Variants in FER1L6 observed in about 807,000 individuals in gnomAD.
FER1L6 encodes the protein fer-1 like family member 6, also known as fer-1-like protein 6.
In FER1L6, 177 loss-of-function variants were observed where a neutral mutation model predicts 219.2. That is an observed-to-expected ratio of 0.81 (90% CI 0.71 to 0.91). The LOEUF (loss-of-function observed/expected upper bound fraction) is 0.91, where lower values mean the gene tolerates loss of function less well. FER1L6 is among the 40% of genes least tolerant of loss of function. The pLI, the probability that FER1L6 is intolerant of heterozygous loss-of-function variation, is 0.00. For missense variants in FER1L6, 2,153 were observed against 2,259.9 expected (o/e 0.95, Z 0.96); for synonymous variants, 768 against 824.3 (o/e 0.93, Z 1.17).
chr8:124,075,039 A>C (rs927178989), intron 31 of FER1L6, among the ~76,000 whole-genome samples: 2 of 152,198 alleles, frequency 1.3e-5, no homozygotes, highest in African/African-American at 4.8e-5. Flanking sequence ...GTGAATGTGA[A>C]GGCCTAGGAT....
At chr8:124,032,368 T>A (rs998741188) in intron 18 of FER1L6, among the ~76,000 whole-genome samples, 5 of 152,056 alleles carry the variant, frequency 3.3e-5, no homozygotes, top group Non-Finnish European at 7.4e-5. Context: ...GAGGCTGCAG[T>A]GAGCTGAGAT....
chr8:124,008,916 A>G (rs1817788517), intron 13 of FER1L6, among the ~76,000 whole-genome samples: 1 of 151,440 alleles, frequency 6.6e-6, no homozygotes, highest in African/African-American at 2.5e-5. Context: ...CAAAACCACA[A>G]TGCTCAAAAT....
intron 38 of FER1L6, 28 bp downstream of exon 38, chr8:124,101,366 A>G: frequency 6.2e-7 from 1 of 1,600,070 alleles, no homozygotes; most frequent in Non-Finnish European, 8.5e-7. Context: ...TCAAGCACAT[A>G]TTAATGTTAA....
chr8:124,022,630 A>G (rs188616776), intron 17 of FER1L6, among the ~76,000 whole-genome samples: 41 of 152,376 alleles, frequency 2.7e-4, no homozygotes, highest in Admixed American at 1.7e-3. Flanking sequence ...AGTTCCTTGT[A>G]GAAATACTTG....
At chr8:123,970,161 C>A in intron 6 of FER1L6, 64 bp downstream of exon 6, 1 of 1,416,586 alleles carries the variant, frequency 7.1e-7, no homozygotes, top group Non-Finnish European at 1.0e-6. Flanking sequence ...ATTGGGGACT[C>A]TCTGGGACAA....
At chr8:124,115,908 A>G (rs1450940938) in intron 39 of FER1L6, among the ~76,000 whole-genome samples, 2 of 152,194 alleles carry the variant, frequency 1.3e-5, no homozygotes, top group East Asian at 3.8e-4. Context: ...GTGCTATGCT[A>G]TGCCATGCCA....
intron 18 of FER1L6, among the ~76,000 whole-genome samples, chr8:124,026,716 T>A (rs200594413): frequency 0.59 from 89,090 of 151,754 alleles, 26,686 homozygotes; most frequent in African/African-American, 0.67. Context: ...TGTGATTTTT[T>A]TTTTTAAATG....
chr8:124,066,534 T>C lies in FER1L6; in HGVS notation c.3662T>C (p.Leu1221Pro). 6.2e-7 allele frequency: 1 copy of C among 1,613,918 alleles called. No homozygotes were observed. The highest frequency in any genetic ancestry group is 8.5e-7 in the Non-Finnish European group (1 of 1,179,882). Residue 1221 changes from leucine to proline, a missense_variant, in exon 27 of 41, where the codon CTG (leucine) becomes CCG (proline). By Grantham distance (98) the Leu-to-Pro change is moderately conservative. Transcript: ENST00000522917. The part of the protein sequence containing the change: ...IDWWSKYYAS[L>P]KKAQKAKERN... ...TGGTGGTCTAAGTATTATGCCTCCC[T>C]GAAGAAAGCCCAGAAGGTAGAGTCT... is the stretch of plus-strand genomic sequence containing the variant.
rs747685176 is a variant in FER1L6, at chr8:124,010,620, C to A, written c.1727C>A (p.Ala576Asp). 6.2e-7 allele frequency: 1 copy of A among 1,613,900 alleles called. No individual in the cohort carries two copies. The highest frequency in any genetic ancestry group is 1.3e-5 in the African/African-American group (1 of 74,912). ...AATTACAACTATTTGCCATTTGAGGCTAAGAAGCCCTGTGTCTATTTCATC... is the reference window on the plus strand; with the variant it reads ...AATTACAACTATTTGCCATTTGAGGATAAGAAGCCCTGTGTCTATTTCATC... ...NRNYNYLPFE[A>D]KKPCVYFISS... The change falls in exon 14 of 41, where the codon GCT (alanine) becomes GAT (aspartate). Residue 576 changes from alanine (A) to aspartate (D), a missense_variant. Ala to Asp is a moderately radical substitution (Grantham distance 126, BLOSUM62 -2). Coordinates refer to ENST00000522917, the MANE Select transcript of FER1L6 (RefSeq NM_001039112.2).
At chr8:123,959,327 G>T (rs758364019) in intron 2 of FER1L6, among the ~76,000 whole-genome samples, 25 of 152,108 alleles carry the variant, frequency 1.6e-4, no homozygotes, top group Non-Finnish European at 4.4e-5. Context: ...CATATATAAC[G>T]TGTCTTTGAA....
intron 1 of FER1L6, among the ~76,000 whole-genome samples, chr8:123,891,159 T>C (rs1812642752): frequency 6.6e-6 from 1 of 152,168 alleles, no homozygotes; most frequent in African/African-American, 2.4e-5. Context: ...ACTGATGGGC[T>C]TTTATGTGTG....
At chr8:123,913,226 AAGTATT>A (rs1163903636) in intron 1 of FER1L6, among the ~76,000 whole-genome samples, 2 of 150,086 alleles carry the variant, frequency 1.3e-5, no homozygotes, top group African/African-American at 4.9e-5. Context: ...TAACTACAGA[AAGTATT>A]TGTATTTAAT....
In FER1L6 at chr8:123,865,733, G is replaced by T. The variant is rs1285951249; in HGVS notation, c.-8+13548G>T. Reference sequence around the variant, plus strand: ...AAAAGCGCAATATTCGGGTGGGAGTGACCCGATTTTCCAGGTGCGTCCGTC... The same window carrying T: ...AAAAGCGCAATATTCGGGTGGGAGTTACCCGATTTTCCAGGTGCGTCCGTC... On this transcript the variant is annotated intron_variant, in intron 1 of 40. Coordinates refer to ENST00000522917, the MANE Select transcript of FER1L6 (RefSeq NM_001039112.2). 2.0e-5 allele frequency among the ~76,000 whole-genome samples: 3 copies of T among 151,388 alleles called. No homozygotes were observed. The East Asian group carries it at 5.8e-4, about 29-fold the overall frequency.
intron 12 of FER1L6, among the ~76,000 whole-genome samples, chr8:123,998,344 T>C (rs1817233435): frequency 7.7e-6 from 1 of 129,836 alleles, no homozygotes; most frequent in Non-Finnish European, 1.6e-5. Context: ...GAGACACTTG[T>C]TCTCTTAGTT....
chr8:124,038,208 C>T (rs1341855148), intron 19 of FER1L6, among the ~76,000 whole-genome samples: 1 of 152,210 alleles, frequency 6.6e-6, no homozygotes, highest in Non-Finnish European at 1.5e-5. Flanking sequence ...GTCTTGGCAC[C>T]TCCACCTCTG....
chr8:123,913,072 G>A (rs1813085218), intron 1 of FER1L6, among the ~76,000 whole-genome samples: 1 of 152,036 alleles, frequency 6.6e-6, no homozygotes, highest in South Asian at 2.1e-4. Context: ...CCATAAACCT[G>A]GTTTATTTTT....
chr8:123,871,426 G>C (rs1231458870), intron 1 of FER1L6, among the ~76,000 whole-genome samples: 1 of 152,064 alleles, frequency 6.6e-6, no homozygotes, highest in Non-Finnish European at 1.5e-5. Flanking sequence ...GTACTTTGTA[G>C]TGCCAAAAAG....
intron 1 of FER1L6, among the ~76,000 whole-genome samples, chr8:123,865,164 GGA>G: frequency 6.7e-6 from 1 of 148,672 alleles, no homozygotes; most frequent in South Asian, 2.1e-4. Flanking sequence ...TTTTCGGTGT[GGA>G]TGTCCTTTCT....
At chr8:124,093,760 ATT>A (rs33910834) in intron 34 of FER1L6, among the ~76,000 whole-genome samples, 1 of 151,120 alleles carries the variant, frequency 6.6e-6, no homozygotes, top group South Asian at 2.1e-4. Flanking sequence ...CTATTGGGAG[ATT>A]TTTTTGTGGC....
Sources: allele counts gnomAD v4.1 joint callset (sites outside exome capture counted in the v4.1 genomes callset), GRCh38; gene constraint gnomAD v4.1.1; transcripts MANE v1.5; gene names NCBI Gene and HGNC (gene_info 2026-07-23, HGNC 2026-07-21).